XPO4: variants seen among roughly 807,000 people sequenced by gnomAD.
XPO4 encodes exportin-4.
In XPO4, 39 loss-of-function variants were observed where a neutral mutation model predicts 143.0. The ratio of observed to expected loss-of-function variants is 0.27; its 90% CI spans 0.21 to 0.36. The LOEUF is 0.36. Among genes scored for constraint, XPO4 ranks in the 10% least tolerant of loss-of-function variants. The probability of loss-of-function intolerance (pLI) is 1.00; values close to 1 mark genes in which losing one functional copy is unlikely to be tolerated. For synonymous variants in XPO4, 439 were observed against 474.0 expected (o/e 0.93, Z 0.96); for missense variants, 907 against 1,348.0 (o/e 0.67, Z 5.12).
intron 18 of XPO4, among the ~76,000 whole-genome samples, chr13:20,791,434 C>T (rs1424441859): frequency 1.3e-5 from 2 of 152,022 alleles, no homozygotes; most frequent in East Asian, 1.9e-4. Context: ...CACTGCATCA[C>T]CATTTATAAG....
intron 6 of XPO4, among the ~76,000 whole-genome samples, chr13:20,832,404 ATAAT>A (rs1321346792): frequency 1.3e-5 from 2 of 152,242 alleles, no homozygotes; most frequent in Admixed American, 6.5e-5. Context: ...ACTCAAAAAA[ATAAT>A]TAAATAAGGC....
At chr13:20,822,799 TATTA>T (rs1454994278) in intron 7 of XPO4, among the ~76,000 whole-genome samples, 3 of 152,366 alleles carry the variant, frequency 2.0e-5, no homozygotes, top group South Asian at 2.1e-4. Context: ...CACGTTCTTT[TATTA>T]ATTCTCAGTT....
intron 1 of XPO4, among the ~76,000 whole-genome samples, chr13:20,880,257 C>A (rs1220773385): frequency 6.6e-6 from 1 of 151,934 alleles, no homozygotes; most frequent in Non-Finnish European, 1.5e-5. Context: ...GATGGTGAAA[C>A]CCCGTCTCTA....
chr13:20,875,051 C>A (rs527459036), intron 1 of XPO4, among the ~76,000 whole-genome samples: 1 of 152,170 alleles, frequency 6.6e-6, no homozygotes, highest in Admixed American at 6.5e-5. Flanking sequence ...GTTATTGCAG[C>A]AGAAAATTGA....
chr13:20,816,826 C>T (rs550150255), intron 9 of XPO4, among the ~76,000 whole-genome samples: 2 of 152,284 alleles, frequency 1.3e-5, no homozygotes, highest in Admixed American at 6.5e-5. Flanking sequence ...TAATACGAAT[C>T]TGTATTTAAG....
chr13:20,851,403 C>T, intron 4 of XPO4: 1 of 985,278 alleles, frequency 1.0e-6, no homozygotes, highest in Middle Eastern at 5.2e-4. Flanking sequence ...TACAGTAGTT[C>T]TCAGCCCTGG....
At chr13:20,866,391 C>T in intron 2 of XPO4, 1 of 984,272 alleles carries the variant, frequency 1.0e-6, no homozygotes. Flanking sequence ...AAAAGGGAAG[C>T]ATCAAAGAAA....
rs1283156948 is a variant in XPO4, at chr13:20,780,547, T to G, written c.*3175A>C. 3.3e-5 allele frequency: 5 copies of G among 152,186 alleles called. No homozygotes were observed. Among genetic ancestry groups the G allele is most frequent in the Non-Finnish European group, 5.9e-5 (4 of 68,036 alleles). The allele number at this position is 152,186 out of a possible 1,614,324, so 9.4% of individuals were successfully genotyped here. ...GGGAAATGATATAGATACTTGCTTT[T>G]CAAATGAAAATCATGGACAAGTGGT... is the stretch of plus-strand genomic sequence containing the variant. On this transcript the variant is annotated 3_prime_UTR_variant, in exon 23 of 23. Coordinates refer to ENST00000255305, the MANE Select transcript of XPO4 (RefSeq NM_022459.5).
At chr13:20,811,340 T>G (rs2059579735) in intron 9 of XPO4, among the ~76,000 whole-genome samples, 2 of 148,776 alleles carry the variant, frequency 1.3e-5, no homozygotes, top group South Asian at 2.1e-4. Flanking sequence ...CAGGCTGGAG[T>G]GCAGTGGTGT....
chr13:20,811,979 C>A (rs995576450), intron 9 of XPO4, among the ~76,000 whole-genome samples: 2 of 152,100 alleles, frequency 1.3e-5, no homozygotes, highest in African/African-American at 4.8e-5. Flanking sequence ...GAGATCACGG[C>A]CGGAAATACA....
At position 20,858,028 on chromosome 13, in the gene XPO4, A is replaced by C. The variant is rs2138108365; in HGVS notation, c.318-2263T>G. The C allele has an allele frequency of 7.2e-6, 7 of 966,578 alleles. No homozygotes were observed. In the South Asian group the frequency reaches 3.3e-4, roughly 46 times the overall value. The allele number at this position is 966,578 out of a possible 1,614,324, so 59.9% of individuals were successfully genotyped here. A position where few individuals can be genotyped will look rare whatever the true frequency, so the allele number is the denominator to read the frequency against. ...CAGTATGCCAAAAACGTTTAACTTG[A>C]ATCTAATCCACACTGTAGGGCATTC... On this transcript the variant is annotated intron_variant, in intron 3 of 22. Coordinates refer to ENST00000255305, the MANE Select transcript of XPO4 (RefSeq NM_022459.5).
chr13:20,821,535 A>C lies in XPO4; in HGVS notation c.1173+169T>G, dbSNP rs189904206. ...CCAACTAAAGCTATTTTAATCCACA[A>C]ATTTTTAAAGGTCATGTTTCCCAAA... On this transcript the variant is annotated intron_variant, in intron 9 of 22. Coordinates refer to ENST00000255305, the MANE Select transcript of XPO4 (RefSeq NM_022459.5). Among the ~76,000 whole-genome samples the C allele has an allele frequency of 1.2e-4, 19 of 152,316 alleles. No homozygotes were observed. In the East Asian group the frequency reaches 3.3e-3, roughly 26 times the overall value.
intron 3 of XPO4, 129 bp downstream of exon 3, chr13:20,862,588 A>G: frequency 8.5e-7 from 1 of 1,181,050 alleles, no homozygotes; most frequent in Non-Finnish European, 1.2e-6. Context: ...TCAGCCTCCC[A>G]AAGTGGAGAT....
chr13:20,885,697 G>C (rs2060455874), intron 1 of XPO4, among the ~76,000 whole-genome samples: 1 of 152,166 alleles, frequency 6.6e-6, no homozygotes, highest in Non-Finnish European at 1.5e-5. Flanking sequence ...CCAACACTTT[G>C]GGAGGCCAAG....
At chr13:20,820,319 T>C (rs11838955) in intron 9 of XPO4, among the ~76,000 whole-genome samples, 8,917 of 152,230 alleles carry the variant, frequency 0.059, 657 homozygotes, top group African/African-American at 0.17. Flanking sequence ...CACTTAAAAT[T>C]TGCAAACCAA....
intron 1 of XPO4, among the ~76,000 whole-genome samples, chr13:20,873,716 C>T (rs565193551): frequency 4.1e-4 from 62 of 152,246 alleles, no homozygotes; most frequent in Middle Eastern, 6.8e-3. Flanking sequence ...CTGCAACCTC[C>T]GCCTCCCAGG....
chr13:20,808,264 A>C (rs1180836772), intron 12 of XPO4, among the ~76,000 whole-genome samples, 172 bp downstream of exon 12: 1 of 152,234 alleles, frequency 6.6e-6, no homozygotes, highest in Non-Finnish European at 1.5e-5. Context: ...CACTGCATAC[A>C]TATTAGCCAG....
At position 20,799,286 on chromosome 13, in the gene XPO4, G is replaced by A. The variant is rs376646896; in HGVS notation, c.2201C>T (p.Ala734Val). 7.4e-6 allele frequency: 12 copies of A among 1,614,008 alleles called. No homozygotes were observed. Among genetic ancestry groups the A allele is most frequent in the Non-Finnish European group, 8.5e-6 (10 of 1,179,932 alleles). ...GAAATTAAGAGGTGGGCTTCGGCTT[G>A]CAAACTGCTTAGCTAAATTCCACCA... ...ENWWNLAKQF[A>V]SRSPPLNFLS... The change falls in exon 16 of 23, where the codon GCA becomes GTA. Residue 734 changes from alanine to valine, a missense_variant. Coordinates refer to ENST00000255305, the MANE Select transcript of XPO4 (RefSeq NM_022459.5).
intron 1 of XPO4, among the ~76,000 whole-genome samples, chr13:20,890,483 T>G (rs2060501603): frequency 6.7e-6 from 1 of 149,730 alleles, no homozygotes; most frequent in Admixed American, 6.7e-5. Flanking sequence ...TTGAAATCAG[T>G]ATTTACAAAT....
Sources: allele counts gnomAD v4.1 joint callset (sites outside exome capture counted in the v4.1 genomes callset), GRCh38; gene constraint gnomAD v4.1.1; transcripts MANE v1.5; gene names NCBI Gene and HGNC (gene_info 2026-07-23, HGNC 2026-07-21).